FAT1: variants seen among roughly 807,000 people sequenced by gnomAD.
The protein encoded by FAT1 is protocadherin Fat 1.
In FAT1, 171 loss-of-function variants were observed where a neutral mutation model predicts 329.8. The observed-to-expected ratio is 0.52, with a 90% CI of 0.46 to 0.59. The LOEUF (loss-of-function observed/expected upper bound fraction) is 0.59, where lower values mean the gene tolerates loss of function less well. Among genes scored for constraint, FAT1 ranks in the 20% least tolerant of loss-of-function variants. FAT1 has a pLI of 0.00. For missense variants in FAT1, 5,672 were observed against 5,774.4 expected, an observed-to-expected ratio of 0.98 and a Z score of 0.57; for synonymous variants, 2,233 against 2,228.6, an observed-to-expected ratio of 1.00 and a Z score of -0.06.
At chr4:186,667,571 T>C (rs929720290) in intron 2 of FAT1, among the ~76,000 whole-genome samples, 7 of 152,186 alleles carry the variant, frequency 4.6e-5, no homozygotes, top group African/African-American at 7.2e-5. Context: ...AATCACTGAA[T>C]ACAACTTACG....
At chr4:186,642,167 C>T (rs995833718) in intron 3 of FAT1, among the ~76,000 whole-genome samples, 5 of 152,154 alleles carry the variant, frequency 3.3e-5, no homozygotes, top group Non-Finnish European at 5.9e-5. Context: ...GTAATATTAG[C>T]CCCTTTCTTT....
At chr4:186,623,933 T>A (rs751129711) in intron 9 of FAT1, among the ~76,000 whole-genome samples, 16 of 152,162 alleles carry the variant, frequency 1.1e-4, no homozygotes, top group Non-Finnish European at 2.1e-4. Context: ...GATAACAAGG[T>A]TAAACAGGAA....
In FAT1 at chr4:186,633,160, T is replaced by TC. The variant is rs1178792113; in HGVS notation, c.4323+523_4323+524insG. On this transcript the variant is annotated intron_variant, in intron 7 of 26. Coordinates refer to ENST00000441802, the MANE Select transcript of FAT1 (RefSeq NM_005245.4). ...AGAAAGAACAGAATTTAAATTTCAC[T>TC]TACAGGATTTTAACACTTAAGTTTG... Among the ~76,000 whole-genome samples, 4 of 152,244 alleles carry TC rather than the reference T, an allele frequency of 2.6e-5. No individual in the cohort carries two copies. The East Asian group carries it at 7.7e-4, about 29-fold the overall frequency.
At chr4:186,616,257 C>T (rs1257981527) in intron 11 of FAT1, among the ~76,000 whole-genome samples, 1 of 152,126 alleles carries the variant, frequency 6.6e-6, no homozygotes, top group Non-Finnish European at 1.5e-5. Flanking sequence ...TCTCTAGGAT[C>T]GAGTTCAAAT....
At chr4:186,679,379 T>C (rs180922027) in intron 2 of FAT1, among the ~76,000 whole-genome samples, 27 of 127,026 alleles carry the variant, frequency 2.1e-4, no homozygotes, top group African/African-American at 2.8e-4. Flanking sequence ...ATCGCACCAC[T>C]GCACTCCAGC....
At chr4:186,636,510 T>C (rs1740824455) in intron 5 of FAT1, 75 bp downstream of exon 5, 2 of 1,417,662 alleles carry the variant, frequency 1.4e-6, no homozygotes, top group South Asian at 1.4e-5. Context: ...GAAATAAAGT[T>C]ACTAAAGAAA....
chr4:186,625,832 G>T (rs1181788646), intron 9 of FAT1, among the ~76,000 whole-genome samples: 1 of 152,242 alleles, frequency 6.6e-6, no homozygotes, highest in African/African-American at 2.4e-5. Context: ...TTCTATCGGG[G>T]TGGAACTTTT....
At chr4:186,589,640 T>C (rs1367178040) in intron 26 of FAT1, among the ~76,000 whole-genome samples, 1 of 152,188 alleles carries the variant, frequency 6.6e-6, no homozygotes, top group Non-Finnish European at 1.5e-5. Flanking sequence ...CCAGTGTCAC[T>C]TGATCTGCAC....
At chr4:186,725,706 G>A (rs552483572), upstream of FAT1, among the ~76,000 whole-genome samples, 1 of 152,318 alleles carries the variant, frequency 6.6e-6, no homozygotes, top group East Asian at 1.9e-4. This position sits in a 1 kb window ranked among gnomAD's most constrained non-coding sequence, Gnocchi z 5.4. Context: ...ATGAGAGAGA[G>A]AAATGTGGTT....
At chr4:186,682,749 G>A (rs1304993097) in intron 2 of FAT1, among the ~76,000 whole-genome samples, 3 of 152,148 alleles carry the variant, frequency 2.0e-5, no homozygotes, top group African/African-American at 4.8e-5. Context: ...ACTTAAAGAG[G>A]CAGCCCGGCA....
intron 7 of FAT1, 139 bp from the exon 8 acceptor site, chr4:186,628,902 G>A: frequency 2.6e-6 from 2 of 768,172 alleles, no homozygotes; most frequent in Non-Finnish European, 2.0e-6. Context: ...CAAAAACCTA[G>A]AATCATACAT....
intron 1 of FAT1, among the ~76,000 whole-genome samples, chr4:186,713,719 G>A (rs916443331): frequency 1.3e-5 from 2 of 152,060 alleles, no homozygotes; most frequent in Non-Finnish European, 2.9e-5. Context: ...GCAGTGGCGC[G>A]ATCACGGCTC....
intron 6 of FAT1, among the ~76,000 whole-genome samples, chr4:186,634,367 C>T (rs1215406523): frequency 2.0e-5 from 3 of 152,130 alleles, no homozygotes; most frequent in Non-Finnish European, 1.5e-5. Context: ...ACAAAAGTTT[C>T]TATCCTATTA....
Position 186,625,025 on chromosome 4 carries a change from G to T in FAT1, c.4810+3129C>A, listed in dbSNP as rs140336798. Among the ~76,000 whole-genome samples, 3 of 152,326 alleles carry T rather than the reference G, an allele frequency of 2.0e-5. No individual in the cohort carries two copies. The East Asian group carries it at 5.8e-4, about 29-fold the overall frequency. On this transcript the variant is annotated intron_variant, in intron 9 of 26. Coordinates refer to ENST00000441802, the MANE Select transcript of FAT1 (RefSeq NM_005245.4). ...GCCATTGGTATTATCTATTCATGGAGGAGGGAGTTCCATTCTCTGAATACC... is the reference window on the plus strand; with the variant it reads ...GCCATTGGTATTATCTATTCATGGATGAGGGAGTTCCATTCTCTGAATACC...
In FAT1 at chr4:186,686,736, C is replaced by A. The variant is rs150000924; in HGVS notation, c.3265+19827G>T. On this transcript the variant is annotated intron_variant, in intron 2 of 26. Transcript: ENST00000441802. ...AACTGCTTATTGCCTAGTATCACAT[C>A]CTTGATAATGTGTTCTCAGATGATC... Among the ~76,000 whole-genome samples, 14 of 152,214 alleles carry A rather than the reference C, an allele frequency of 9.2e-5. No individual in the cohort carries two copies. The East Asian group carries it at 2.7e-3, about 29-fold the overall frequency.
chr4:186,634,518 C>T (rs148639280), intron 6 of FAT1, among the ~76,000 whole-genome samples: 8 of 152,052 alleles, frequency 5.3e-5, no homozygotes, highest in East Asian at 3.9e-4. Flanking sequence ...ACAACACACA[C>T]GACGTCTTAA....
At chr4:186,630,635 G>C (rs1381453122) in intron 7 of FAT1, among the ~76,000 whole-genome samples, 1 of 152,120 alleles carries the variant, frequency 6.6e-6, no homozygotes, top group Non-Finnish European at 1.5e-5. Flanking sequence ...CTGGGTGACA[G>C]GCTCTCAGAA....
In FAT1 at chr4:186,636,908, C is replaced by T. The variant is rs2126565356; in HGVS notation, c.3649G>A (p.Val1217Met). 6.3e-7 allele frequency: 1 copy of T among 1,596,506 alleles called. No individual in the cohort carries two copies. Among genetic ancestry groups the T allele is most frequent in the Non-Finnish European group, 8.5e-7 (1 of 1,173,888 alleles). ...QQDEHILEVTVTDNGSPPKST... is the reference protein window; with the variant it reads ...QQDEHILEVTMTDNGSPPKST... ...TTGGGGGGACTACCATTGTCTGTCA[C>T]AGTAACCTGTTTTTTTAAAGTTAAC... is the stretch of plus-strand genomic sequence containing the variant. Residue 1217 changes from valine to methionine, a missense_variant, in exon 5 of 27, where the codon GTG becomes ATG. Physicochemically the swap from Val to Met is conservative, Grantham distance 21. This residue lies in a region of FAT1 where 3,966 missense variants were observed against 3,915.2 expected (regional missense o/e 1.01). Coordinates refer to ENST00000441802, the MANE Select transcript of FAT1 (RefSeq NM_005245.4).
intron 1 of FAT1, among the ~76,000 whole-genome samples, chr4:186,720,490 C>A (rs1745418834): frequency 6.6e-6 from 1 of 152,200 alleles, no homozygotes; most frequent in Non-Finnish European, 1.5e-5. Flanking sequence ...CTATAACTTG[C>A]TTTGCACACA....
Sources: gnomAD v4.1 joint callset for allele counts (sites outside exome capture counted in the v4.1 genomes callset) on GRCh38, gnomAD v4.1.1 for gene constraint, gnomAD v4.1.1 regional missense constraint, Gnocchi (gnomAD v3.1) non-coding constraint, MANE v1.5 for transcripts, NCBI Gene and HGNC (gene_info 2026-07-23, HGNC 2026-07-21) for gene names.